The following AKAP8 variants were observed in gnomAD, a reference collection of about 807,000 sequenced individuals.
AKAP8 encodes A-kinase anchoring protein 8.
AKAP8 carries 24 observed loss-of-function variants against 67.5 expected under a neutral mutation model. That is an observed-to-expected ratio of 0.36 (90% CI 0.26 to 0.50). The LOEUF is 0.50. Ranked by LOEUF, AKAP8 falls within the 20% of genes least tolerant of loss-of-function variation. AKAP8 has a pLI of 0.97. For missense variants in AKAP8, 971 were observed against 955.9 expected (o/e 1.02, Z -0.21); for synonymous variants, 400 against 371.1 (o/e 1.08, Z -0.90).
chr19:15,373,748 G>A (rs760648669), intron 4 of AKAP8, 38 bp downstream of exon 4: 58 of 1,575,748 alleles, frequency 3.7e-5, no homozygotes, highest in Non-Finnish European at 4.5e-5. Flanking sequence ...AGGTGGGGAT[G>A]TGTGGGGTCC....
intron 9 of AKAP8, among the ~76,000 whole-genome samples, chr19:15,363,894 C>T (rs1226908904): frequency 1.3e-5 from 2 of 151,140 alleles, no homozygotes; most frequent in East Asian, 3.9e-4. Flanking sequence ...GTGCTGTGTC[C>T]ACTCAGGGTT....
At chr19:15,366,558 G>A (rs936681614) in intron 9 of AKAP8, among the ~76,000 whole-genome samples, 28 of 151,180 alleles carry the variant, frequency 1.9e-4, no homozygotes, top group African/African-American at 6.6e-4. Context: ...CTGAGATGGA[G>A]TCTTGCTCCG....
intron 8 of AKAP8, 55 bp downstream of exon 8, chr19:15,370,091 G>T: frequency 1.9e-6 from 3 of 1,607,908 alleles, no homozygotes; most frequent in Non-Finnish European, 2.6e-6. Flanking sequence ...TGGGCAGTAA[G>T]TGCGGGGCAG....
chr19:15,368,732 A>C, intron 8 of AKAP8: 1 of 985,276 alleles, frequency 1.0e-6, no homozygotes, highest in Non-Finnish European at 1.2e-6. Context: ...TCAGGAAGTG[A>C]AGCAGCTGCT....
intron 8 of AKAP8, chr19:15,368,968 G>C: frequency 1.0e-6 from 1 of 986,204 alleles, no homozygotes; most frequent in Non-Finnish European, 1.2e-6. Flanking sequence ...GGGGCCAGCA[G>C]AGGAGCTCCT....
At chr19:15,362,373 C>CTGG (rs1491273115) in intron 9 of AKAP8, 122 bp from the exon 10 acceptor site, 1 of 868,164 alleles carries the variant, frequency 1.2e-6, no homozygotes, top group African/African-American at 1.8e-5. Context: ...CCCCCTCCCC[C>CTGG]TCTCCCTCTC....
At chr19:15,359,967 C>G (rs1205141671) in intron 12 of AKAP8, among the ~76,000 whole-genome samples, 1 of 151,942 alleles carries the variant, frequency 6.6e-6, no homozygotes, top group Non-Finnish European at 1.5e-5. Flanking sequence ...AACCCCGTCT[C>G]TATTAAAAAT....
chr19:15,359,307 A>T (rs547865246), intron 12 of AKAP8, among the ~76,000 whole-genome samples: 1 of 152,354 alleles, frequency 6.6e-6, no homozygotes, highest in Admixed American at 6.5e-5. Flanking sequence ...GCACATGCAG[A>T]ATTGGGGGTG....
chr19:15,362,596 G>A (rs1966988403), intron 9 of AKAP8, among the ~76,000 whole-genome samples: 1 of 151,340 alleles, frequency 6.6e-6, no homozygotes, highest in Admixed American at 6.6e-5. Context: ...CTAACCGCGA[G>A]TGATCCGCCA....
At chr19:15,371,778 C>T (rs773102213) in intron 7 of AKAP8, among the ~76,000 whole-genome samples, 174 bp downstream of exon 7, 2 of 152,118 alleles carry the variant, frequency 1.3e-5, no homozygotes, top group African/African-American at 4.8e-5. Context: ...TGTGAGCCAC[C>T]GTGCCGGCTA....
intron 9 of AKAP8, among the ~76,000 whole-genome samples, chr19:15,364,454 GATTCTCCTGCGTCAGCC>G (rs1441820405): frequency 2.0e-5 from 3 of 152,158 alleles, no homozygotes; most frequent in African/African-American, 7.2e-5. Flanking sequence ...AGGTTCAAGT[GATTCTCCTGCGTCAGCC>G]TCCCGAGTAG....
chr19:15,372,715 A>G (rs768327478), intron 5 of AKAP8, 136 bp downstream of exon 5: 6 of 1,274,064 alleles, frequency 4.7e-6, no homozygotes, highest in Non-Finnish European at 5.1e-6. Context: ...TGGTTGCACA[A>G]TCCTGTAAAT....
chr19:15,361,892 G>C, intron 10 of AKAP8, 70 bp from the exon 11 acceptor site: 1 of 1,471,564 alleles, frequency 6.8e-7, no homozygotes. Flanking sequence ...TCAACTGCCA[G>C]GGCTAGGCAG....
intron 13 of AKAP8, among the ~76,000 whole-genome samples, chr19:15,358,360 T>C (rs562280907): frequency 7.0e-6 from 1 of 143,206 alleles, no homozygotes. Context: ...CCTTGGATTC[T>C]TTTTTTTTTT....
intron 2 of AKAP8, among the ~76,000 whole-genome samples, 171 bp downstream of exon 2, chr19:15,376,805 C>G (rs1329351473): frequency 6.6e-6 from 1 of 152,218 alleles, no homozygotes; most frequent in Non-Finnish European, 1.5e-5. Context: ...TTTCCTGCTA[C>G]AGAGACTGTG....
intron 9 of AKAP8, among the ~76,000 whole-genome samples, chr19:15,366,583 G>C (rs1436632382): frequency 2.0e-5 from 3 of 151,488 alleles, no homozygotes; most frequent in Non-Finnish European, 2.9e-5. Flanking sequence ...CCACGCTGGA[G>C]TGCAGTAGCA....
At position 15,373,873 on chromosome 19, in the gene AKAP8, T is replaced by C. The variant is rs145618483; in HGVS notation, c.284A>G (p.Lys95Arg). 6.2e-7 allele frequency: 1 copy of C among 1,613,278 alleles called. No homozygotes were observed. The highest frequency in any genetic ancestry group is 8.5e-7 in the Non-Finnish European group (1 of 1,179,942). Residue 95 changes from lysine (K) to arginine (R), a missense_variant, in exon 4 of 14, where the codon AAG becomes AGG. Coordinates refer to ENST00000269701, the MANE Select transcript of AKAP8 (RefSeq NM_005858.4). ...CATCATGTCCAAACGCTGGTTGATCTTGGCAATGAGGGAGTCGGAATTGTC... is the reference window on the plus strand; with the variant it reads ...CATCATGTCCAAACGCTGGTTGATCCTGGCAATGAGGGAGTCGGAATTGTC... ...CTDNSDSLIA[K>R]INQRLDMMSK...
chr19:15,362,909 T>G (rs1304664377), intron 9 of AKAP8, among the ~76,000 whole-genome samples: 7 of 144,942 alleles, frequency 4.8e-5, no homozygotes, highest in Non-Finnish European at 1.1e-4. Context: ...ATCTAGGAAG[T>G]GAGGAGCGCC....
chr19:15,363,360 G>GGT (rs1555754429), intron 9 of AKAP8, among the ~76,000 whole-genome samples: 1 of 143,456 alleles, frequency 7.0e-6, no homozygotes, highest in Non-Finnish European at 1.5e-5. Context: ...AGGTGGGGGG[G>GGT]GGTCAGCCCC....
Sources: allele counts gnomAD v4.1 joint callset (sites outside exome capture counted in the v4.1 genomes callset), GRCh38; gene constraint gnomAD v4.1.1; transcripts MANE v1.5; gene names NCBI Gene and HGNC (gene_info 2026-07-23, HGNC 2026-07-21).